The following ARHGEF11 variants were observed in gnomAD, a reference collection of about 807,000 sequenced individuals.
ARHGEF11 encodes the protein Rho guanine exchange factor (GEF) 11.
A neutral mutation model predicts 193.7 loss-of-function variants in ARHGEF11; 55 were observed. The observed-to-expected ratio is 0.28, with a 90% CI of 0.23 to 0.36. The LOEUF (loss-of-function observed/expected upper bound fraction) is 0.36. ARHGEF11 is among the 10% of genes least tolerant of loss of function. The pLI, the probability that ARHGEF11 is intolerant of heterozygous loss-of-function variation, is 1.00. For missense variants in ARHGEF11, 1,723 were observed against 2,005.6 expected (o/e 0.86, Z 2.69); for synonymous variants, 693 against 768.0 (o/e 0.90, Z 1.62).
Position 156,978,099 on chromosome 1 carries a change from T to C in ARHGEF11, c.510+105A>G, listed in dbSNP as rs533775582. The C allele has an allele frequency of 7.9e-5, 118 of 1,493,970 alleles. No homozygotes were observed. In the African/African-American group the frequency reaches 1.5e-3, roughly 18 times the overall value. 92.5% of individuals were successfully genotyped at this position (1,493,970 alleles called of 1,614,324 possible). A position where few individuals can be genotyped will look rare whatever the true frequency, so the allele number is the denominator to read the frequency against. On this transcript the variant is annotated intron_variant, in intron 6 of 40. Transcript: ENST00000368194. ...GGTCTTTCATATGTCTTTTGGCTTG[T>C]CTCTGTTTACCACAGCCCCACTGGA...
Position 156,969,339 on chromosome 1 carries a change from G to A in ARHGEF11, c.768C>T (p.Ser256=). 2 of 1,608,974 alleles carry A rather than the reference G, an allele frequency of 1.2e-6. No homozygotes were observed. The highest frequency in any genetic ancestry group is 1.1e-5 in the South Asian group (1 of 89,960). Residue 256 remains serine, a synonymous_variant, in exon 10 of 41, where the codon TCC becomes TCT. Transcript: ENST00000368194. ...RPSEGRLSLD[S]QEGDSGLDSG... The stretch of plus-strand genomic sequence containing the variant: ...AGTCCAAGCCACTGTCCCCCTCCTG[G>A]GAATCCAGAGAGAGCCGGCCTGAGA...
At chr1:156,972,653 A>T (rs947831906) in intron 7 of ARHGEF11, among the ~76,000 whole-genome samples, 3 of 152,196 alleles carry the variant, frequency 2.0e-5, no homozygotes, top group Admixed American at 2.0e-4. Context: ...ACCATTTTAC[A>T]AATTCCCCAT....
Position 156,981,212 on chromosome 1 carries a change from A to AT in ARHGEF11, c.224-727dup, listed in dbSNP as rs199804942. Among the ~76,000 whole-genome samples, 151 of 146,210 alleles carry AT rather than the reference A, an allele frequency of 1.0e-3. 1 individual carries two copies. Among genetic ancestry groups the AT allele is most frequent in the African/African-American group, 2.7e-3 (106 of 39,770 alleles). Reference sequence around the variant, plus strand: ...ATGCCTGGCTAATTAAAAAAAAAAAATTTTTTTTTTTGTAGAGATGAGGTC... The same window carrying AT: ...ATGCCTGGCTAATTAAAAAAAAAAAATTTTTTTTTTTTGTAGAGATGAGGTC... On this transcript the variant is annotated intron_variant, in intron 3 of 40. Transcript: ENST00000368194.
chr1:156,967,298 C>CATTATACAGGTAG (rs1661801644), intron 11 of ARHGEF11, among the ~76,000 whole-genome samples: 1 of 152,166 alleles, frequency 6.6e-6, no homozygotes, highest in Non-Finnish European at 1.5e-5. Context: ...AGATGTCTAA[C>CATTATACAGGTAG]AACGTCTGAA....
intron 35 of ARHGEF11, among the ~76,000 whole-genome samples, chr1:156,940,968 G>A (rs1245507619): frequency 6.6e-6 from 1 of 152,162 alleles, no homozygotes; most frequent in African/African-American, 2.4e-5. Flanking sequence ...TCCCATCACA[G>A]TAACTGCATC....
chr1:157,007,110 G>T (rs1431343427), intron 1 of ARHGEF11, among the ~76,000 whole-genome samples: 2 of 152,048 alleles, frequency 1.3e-5, no homozygotes, highest in African/African-American at 2.4e-5. Context: ...TACATTTCAG[G>T]GTACAAGGGA....
At chr1:157,028,846 T>C (rs372328619) in intron 1 of ARHGEF11, among the ~76,000 whole-genome samples, 42 of 151,948 alleles carry the variant, frequency 2.8e-4, no homozygotes, top group South Asian at 1.5e-3. Context: ...ATCCTAGCTA[T>C]AATCAAAAAG....
chr1:157,017,310 T>C (rs376468042), intron 1 of ARHGEF11, among the ~76,000 whole-genome samples: 2 of 152,212 alleles, frequency 1.3e-5, no homozygotes, highest in Non-Finnish European at 2.9e-5. Context: ...ATGGCACTTA[T>C]TACACTTACT....
intron 1 of ARHGEF11, among the ~76,000 whole-genome samples, chr1:156,994,046 C>T (rs1301682815): frequency 6.6e-6 from 1 of 152,156 alleles, no homozygotes; most frequent in Non-Finnish European, 1.5e-5. Context: ...TTCAGAGGAC[C>T]GTAACTTGGA....
At chr1:156,977,174 GTTT>G in intron 6 of ARHGEF11, 120 bp from the exon 7 acceptor site, 1 of 840,008 alleles carries the variant, frequency 1.2e-6, no homozygotes, top group South Asian at 1.5e-5. Context: ...TCATAAGTAT[GTTT>G]TATTCAGTAC....
intron 1 of ARHGEF11, among the ~76,000 whole-genome samples, chr1:157,033,486 A>C (rs900952348): frequency 6.6e-6 from 1 of 151,846 alleles, no homozygotes; most frequent in African/African-American, 2.4e-5. Flanking sequence ...CCACCCTTTC[A>C]CTTGTTTAAT....
chr1:156,963,143 A>G, intron 13 of ARHGEF11, 60 bp downstream of exon 13: 1 of 1,313,588 alleles, frequency 7.6e-7, no homozygotes, highest in Non-Finnish European at 1.1e-6. Context: ...AACAGAGGCT[A>G]GAGGTCCTCT....
intron 27 of ARHGEF11, 62 bp from the exon 28 acceptor site, chr1:156,946,849 C>CCTATCCCTTT (rs2101925429): frequency 6.5e-7 from 1 of 1,536,874 alleles, no homozygotes; most frequent in African/African-American, 2.5e-5. Context: ...CAGACCCCTG[C>CCTATCCCTTT]CTTTGCCAAA....
intron 1 of ARHGEF11, among the ~76,000 whole-genome samples, chr1:156,988,775 G>GT (rs778941907): frequency 5.3e-5 from 8 of 152,156 alleles, no homozygotes; most frequent in Admixed American, 3.3e-4. Context: ...AGATGGCAAC[G>GT]TAAGTATACT....
intron 1 of ARHGEF11, among the ~76,000 whole-genome samples, chr1:157,027,385 C>T (rs193018923): frequency 2.9e-4 from 44 of 151,852 alleles, no homozygotes; most frequent in African/African-American, 1.0e-3. Context: ...CTGTCTCACA[C>T]ACAAAAAAAA....
chr1:156,964,774 T>G (rs1175353905), intron 11 of ARHGEF11, among the ~76,000 whole-genome samples: 1 of 152,142 alleles, frequency 6.6e-6, no homozygotes, highest in Non-Finnish European at 1.5e-5. Flanking sequence ...ACATCCTGAG[T>G]ATCCTCCTCT....
chr1:156,954,177 C>T (rs140691604), intron 21 of ARHGEF11, among the ~76,000 whole-genome samples: 114 of 151,982 alleles, frequency 7.5e-4, no homozygotes, highest in African/African-American at 2.6e-3. Context: ...GTCAGGAGTT[C>T]GAGACCAGCC....
At chr1:156,938,888 G>A (rs1656133825) in intron 37 of ARHGEF11, 1 of 231,400 alleles carries the variant, frequency 4.3e-6, no homozygotes, top group Non-Finnish European at 8.3e-6. Context: ...CACCCTCTCA[G>A]ACCAGCCCAC....
At chr1:156,966,851 A>C (rs1479521937) in intron 11 of ARHGEF11, among the ~76,000 whole-genome samples, 1 of 152,210 alleles carries the variant, frequency 6.6e-6, no homozygotes, top group Admixed American at 6.5e-5. Flanking sequence ...GGGTTGTTTT[A>C]AATTTTATCT....
Sources: gnomAD v4.1 joint callset for allele counts (sites outside exome capture counted in the v4.1 genomes callset) on GRCh38, gnomAD v4.1.1 for gene constraint, MANE v1.5 for transcripts, NCBI Gene and HGNC (gene_info 2026-07-23, HGNC 2026-07-21) for gene names.